Variants in SLC35F5 observed in about 807,000 individuals in gnomAD.
SLC35F5 encodes the protein solute carrier family 35 member F5.
SLC35F5 carries 54 observed loss-of-function variants against 68.6 expected under a neutral mutation model. That is an observed-to-expected ratio of 0.79 (90% CI 0.63 to 0.99). The LOEUF is 0.99. SLC35F5 is among the 50% of genes least tolerant of loss of function. SLC35F5 has a pLI of 0.00. For missense variants in SLC35F5, 567 were observed against 626.9 expected, an observed-to-expected ratio of 0.90 and a Z score of 1.02; for synonymous variants, 211 against 205.2, an observed-to-expected ratio of 1.03 and a Z score of -0.24.
At chr2:113,756,064 G>C in intron 1 of SLC35F5, 1 of 1,460,208 alleles carries the variant, frequency 6.8e-7, no homozygotes, top group Non-Finnish European at 9.0e-7. Flanking sequence ...AAAACATCCA[G>C]TCATTTTAAA....
chr2:113,754,300 A>G (rs1270731201), intron 3 of SLC35F5, among the ~76,000 whole-genome samples: 2 of 141,516 alleles, frequency 1.4e-5, no homozygotes, highest in South Asian at 4.5e-4. Context: ...ATCTCAAAAA[A>G]AAAAGAAAAA....
chr2:113,730,828 A>G (rs6726001), intron 10 of SLC35F5, among the ~76,000 whole-genome samples: 58,375 of 152,066 alleles, frequency 0.38, 11,692 homozygotes, highest in Middle Eastern at 0.58. Context: ...TCAAGAATCA[A>G]GAGTAAATGG....
chr2:113,751,092 G>C (rs1329022572), intron 3 of SLC35F5, among the ~76,000 whole-genome samples: 2 of 152,180 alleles, frequency 1.3e-5, no homozygotes, highest in Non-Finnish European at 2.9e-5. Flanking sequence ...GCTGCAGTGA[G>C]CCATGGTCAA....
chr2:113,743,665 T>A (rs3748907), intron 6 of SLC35F5, 48 bp downstream of exon 6: 4 of 1,465,834 alleles, frequency 2.7e-6, no homozygotes, highest in Admixed American at 1.7e-5. Context: ...AGTTCTGAAG[T>A]GGCTTGAATA....
intron 15 of SLC35F5, chr2:113,717,430 T>C (rs1433403390): frequency 6.0e-6 from 1 of 166,912 alleles, no homozygotes; most frequent in African/African-American, 2.4e-5. Context: ...TAAAAATGAG[T>C]TAAAACTTTC....
rs1173478465 is a variant in SLC35F5 at position 113,753,168 on chromosome 2, C to CTTTTTTTTTTTTTTTTTTTTT, written c.273+1976_273+1996dup. On this transcript the variant is annotated intron_variant, in intron 3 of 15. Transcript: ENST00000245680. ...CACTTTATCTCCAAAGTTTGTTTTTCTTTTTTTTTTTTTTTTTTTTTTTTT... is the reference window on the plus strand; with the variant it reads ...CACTTTATCTCCAAAGTTTGTTTTTCTTTTTTTTTTTTTTTTTTTTTTTTTTTTTTTTTTTTTTTTTTTTTT... Among the ~76,000 whole-genome samples, 65 of 49,072 alleles carry CTTTTTTTTTTTTTTTTTTTTT rather than the reference C, an allele frequency of 1.3e-3. 22 individuals are homozygous for CTTTTTTTTTTTTTTTTTTTTT. The highest frequency in any genetic ancestry group is 1.4e-3 in the Non-Finnish European group (41 of 28,288). The allele number at this position is 49,072 out of a possible 152,430, so 32.2% of individuals were successfully genotyped here. A position where few individuals can be genotyped will look rare whatever the true frequency, so the allele number is the denominator to read the frequency against.
downstream of SLC35F5, among the ~76,000 whole-genome samples, chr2:113,703,199 T>C (rs1686730343): frequency 6.6e-6 from 1 of 152,128 alleles, no homozygotes; most frequent in Non-Finnish European, 1.5e-5. Flanking sequence ...AAAATAAGCA[T>C]GTCTTGACCT....
At chr2:113,736,777 G>A (rs1180723054) in intron 7 of SLC35F5, among the ~76,000 whole-genome samples, 1 of 152,196 alleles carries the variant, frequency 6.6e-6, no homozygotes, top group African/African-American at 2.4e-5. Flanking sequence ...AAGTTTTCCA[G>A]CTATCAGGAC....
At chr2:113,755,358 C>T (rs762281681) in intron 2 of SLC35F5, 52 bp from the exon 3 acceptor site, 1 of 1,606,686 alleles carries the variant, frequency 6.2e-7, no homozygotes, top group Non-Finnish European at 8.5e-7. Context: ...GAAAAACAAC[C>T]ATTAAAAATG....
At position 113,751,281 on chromosome 2, in the gene SLC35F5, G is replaced by A. The variant is rs1381006084; in HGVS notation, c.274-713C>T. 2.0e-5 allele frequency among the ~76,000 whole-genome samples: 3 copies of A among 152,152 alleles called. No individual in the cohort carries two copies. The South Asian group carries it at 6.2e-4, about 31-fold the overall frequency. On this transcript the variant is annotated intron_variant, in intron 3 of 15. Coordinates refer to ENST00000245680, the MANE Select transcript of SLC35F5 (RefSeq NM_025181.5). ...ACAAGAGACGGGTTCAGGATGCCACGGAGCACCAAAAGGAGACTGACAAAT... is the reference window on the plus strand; with the variant it reads ...ACAAGAGACGGGTTCAGGATGCCACAGAGCACCAAAAGGAGACTGACAAAT...
Position 113,743,714 on chromosome 2 carries a change from T to G in SLC35F5, c.561A>C (p.Lys187Asn). 6.2e-7 allele frequency: 1 copy of G among 1,610,252 alleles called. No individual in the cohort carries two copies. Among genetic ancestry groups the G allele is most frequent in the Non-Finnish European group, 8.5e-7 (1 of 1,177,862 alleles). The change falls in exon 6 of 16, where the codon AAA (lysine) becomes AAC (asparagine). Residue 187 changes from lysine (K) to asparagine (N), a missense_variant and splice_region_variant. Physicochemically the swap from Lys to Asn is moderately conservative, Grantham distance 94 (BLOSUM62 0). Transcript: ENST00000245680. ...KPESTNIDTE[K>N]TPKKSRVRFS... ...TACCCATTTCCAAGTTTTGCTTACTTTTTTCAGTATCAATGTTTGTGCTCT... is the reference window on the plus strand; with the variant it reads ...TACCCATTTCCAAGTTTTGCTTACTGTTTTCAGTATCAATGTTTGTGCTCT...
chr2:113,742,422 G>C (rs1469725297), intron 7 of SLC35F5: 2 of 484,102 alleles, frequency 4.1e-6, no homozygotes, highest in Non-Finnish European at 7.3e-6. Flanking sequence ...AAATTCTGAA[G>C]AACTTCCCAA....
chr2:113,706,519 T>C (rs1439711153), downstream of SLC35F5, among the ~76,000 whole-genome samples: 1 of 152,216 alleles, frequency 6.6e-6, no homozygotes, highest in Non-Finnish European at 1.5e-5. Flanking sequence ...AGATGGAATG[T>C]AGGTCTCTTA....
At position 113,712,558 on chromosome 2, in the gene SLC35F5, G is replaced by A. The variant is rs183484053; in HGVS notation, c.*2660C>T. Among the ~76,000 whole-genome samples, 15 of 151,702 alleles carry A rather than the reference G, an allele frequency of 9.9e-5. No homozygotes were observed. In the East Asian group the frequency reaches 2.9e-3, roughly 30 times the overall value. Reference sequence around the variant, plus strand: ...TCTCGATCTCCTGACCTCGTGATCCGCCCGCCTCGGCCTCCCAAAGTGCTG... The same window carrying A: ...TCTCGATCTCCTGACCTCGTGATCCACCCGCCTCGGCCTCCCAAAGTGCTG... On this transcript the variant is annotated 3_prime_UTR_variant, in exon 16 of 16. Transcript: ENST00000245680.
chr2:113,756,326 G>T, intron 1 of SLC35F5, 44 bp downstream of exon 1: 1 of 1,556,658 alleles, frequency 6.4e-7, no homozygotes, highest in Non-Finnish European at 8.7e-7. Context: ...ACTCCGTCCC[G>T]GTTTGGGCTC....
In SLC35F5 at chr2:113,713,028, C is replaced by T. The variant is rs774000602; in HGVS notation, c.*2190G>A. The T allele has an allele frequency of 8.5e-5, 13 of 152,168 alleles. No homozygotes were observed. Among genetic ancestry groups the T allele is most frequent in the Admixed American group, 7.9e-4 (12 of 15,282 alleles). The allele number at this position is 152,168 out of a possible 1,614,324, so 9.4% of individuals were successfully genotyped here. The stretch of plus-strand genomic sequence containing the variant: ...ATTTCTTGAGAAGATGAACCCTTAA[C>T]TATGAAGGTGCAGAAAGGAAGTCTT... On this transcript the variant is annotated 3_prime_UTR_variant, in exon 16 of 16. Coordinates refer to ENST00000245680, the MANE Select transcript of SLC35F5 (RefSeq NM_025181.5).
At chr2:113,750,637 A>C in intron 3 of SLC35F5, 69 bp from the exon 4 acceptor site, 1 of 1,314,194 alleles carries the variant, frequency 7.6e-7, no homozygotes, top group Non-Finnish European at 1.0e-6. Flanking sequence ...CTCCAAAATA[A>C]AGTCACTACA....
chr2:113,745,799 T>A (rs1676460833), intron 5 of SLC35F5, among the ~76,000 whole-genome samples: 1 of 152,240 alleles, frequency 6.6e-6, no homozygotes, highest in Non-Finnish European at 1.5e-5. Flanking sequence ...TCAATTACTT[T>A]ACTTGCTTAT....
At chr2:113,727,082 T>C (rs1446365374) in intron 11 of SLC35F5, among the ~76,000 whole-genome samples, 1 of 152,180 alleles carries the variant, frequency 6.6e-6, no homozygotes, top group Admixed American at 6.5e-5. Flanking sequence ...GTTTCCCCCA[T>C]GCTGTTCCCA....
Sources: gnomAD v4.1 joint callset for allele counts (sites outside exome capture counted in the v4.1 genomes callset) on GRCh38, gnomAD v4.1.1 for gene constraint, MANE v1.5 for transcripts, NCBI Gene and HGNC (gene_info 2026-07-23, HGNC 2026-07-21) for gene names.